Variants in ADSS1 observed in about 807,000 individuals in gnomAD.
ADSS1 encodes adenylosuccinate synthetase isozyme 1.
Under a neutral mutation model 59.1 loss-of-function variants are expected in ADSS1, and 57 were observed. The observed-to-expected ratio is 0.97, with a 90% CI of 0.78 to 1.20. The LOEUF (loss-of-function observed/expected upper bound fraction) is 1.20, where lower values mean the gene tolerates loss of function less well. Ranked by LOEUF, ADSS1 falls within the 50% of genes most tolerant of loss-of-function variation. ADSS1 has a pLI of 0.00. For synonymous variants in ADSS1, 247 were observed against 249.4 expected (o/e 0.99, Z 0.09); for missense variants, 603 against 610.3 (o/e 0.99, Z 0.13).
chr14:104,735,938 C>G (rs1444033442), intron 2 of ADSS1, among the ~76,000 whole-genome samples: 1 of 152,252 alleles, frequency 6.6e-6, no homozygotes, highest in Non-Finnish European at 1.5e-5. Context: ...TTCCAGACTT[C>G]AGCAAGGCCA....
intron 1 of ADSS1, among the ~76,000 whole-genome samples, chr14:104,731,799 G>A (rs1255013936): frequency 6.6e-6 from 1 of 152,204 alleles, no homozygotes; most frequent in African/African-American, 2.4e-5. Context: ...GCTGCCCTGG[G>A]GGCTCGGCAC....
chr14:104,744,176 T>C (rs1251613874), intron 10 of ADSS1, among the ~76,000 whole-genome samples: 1 of 151,380 alleles, frequency 6.6e-6, no homozygotes, highest in East Asian at 1.9e-4. Context: ...ACGGCTGTGC[T>C]GTGGGGAAAG....
chr14:104,726,757 G>T (rs57367215), intron 1 of ADSS1, among the ~76,000 whole-genome samples: 1 of 152,218 alleles, frequency 6.6e-6, no homozygotes, highest in Admixed American at 6.5e-5. Context: ...AGCGAGGGCC[G>T]AGTGGTCCAG....
chr14:104,739,951 G>A (rs769295625), intron 5 of ADSS1, 135 bp downstream of exon 5: 26 of 944,960 alleles, frequency 2.8e-5, no homozygotes, highest in African/African-American at 8.2e-5. Flanking sequence ...GAATGGCACC[G>A]TCAAAATTCC....
At chr14:104,744,392 C>G (rs527670666) in intron 10 of ADSS1, 1 of 170,658 alleles carries the variant, frequency 5.9e-6, no homozygotes, top group Non-Finnish European at 1.3e-5. Flanking sequence ...CAGTCCCTAA[C>G]TTTTTTGGCA....
rs1228313651 is a variant in ADSS1 at position 104,724,403 on chromosome 14, G to A, written c.133G>A (p.Gly45Ser). Residue 45 changes from glycine to serine, a missense_variant, in exon 1 of 13, where the codon GGC becomes AGC. Physicochemically the swap from Gly to Ser is moderately conservative, Grantham distance 56. Coordinates refer to ENST00000330877, the MANE Select transcript of ADSS1 (RefSeq NM_152328.5). ...GCTGGGCGCGCAGTGGGGGGACGAG[G>A]GCAAAGGCAAGGTGGTGGACCTGCT... ...VVLGAQWGDE[G>S]KGKVVDLLAT... The A allele has an allele frequency of 3.2e-6, 4 of 1,263,970 alleles. No homozygotes were observed. Among genetic ancestry groups the A allele is most frequent in the Non-Finnish European group, 4.0e-6 (4 of 999,270 alleles). 78.3% of individuals were successfully genotyped at this position (1,263,970 alleles called of 1,614,324 possible).
chr14:104,730,982 T>G (rs1595196767), intron 1 of ADSS1, among the ~76,000 whole-genome samples: 2 of 88,686 alleles, frequency 2.3e-5, no homozygotes, highest in African/African-American at 3.9e-5. Context: ...GGGCTCAGTG[T>G]CCGTGGGGGC....
At chr14:104,726,389 G>A (rs1262178746) in intron 1 of ADSS1, among the ~76,000 whole-genome samples, 1 of 152,238 alleles carries the variant, frequency 6.6e-6, no homozygotes, top group Non-Finnish European at 1.5e-5. Context: ...GATCTCAGCG[G>A]GGCGCCGCTC....
In ADSS1 at chr14:104,743,078, C is replaced by G. The variant is rs777544568; in HGVS notation, c.960C>G (p.Gly320=). The part of the protein sequence containing the change: ...FPTEQINEIG[G]LLQTRGHEWG... ...CTGTTCTCATGTAGGAGATTGGAGG[C>G]CTGCTGCAGACCCGCGGCCACGAGT... The change falls in exon 10 of 13, where the codon GGC becomes GGG. Residue 320 remains glycine, a synonymous_variant. Transcript: ENST00000330877. The G allele has an allele frequency of 1.9e-6, 3 of 1,613,040 alleles. No homozygotes were observed. Among genetic ancestry groups the G allele is most frequent in the Non-Finnish European group, 2.5e-6 (3 of 1,179,988 alleles).
intron 2 of ADSS1, among the ~76,000 whole-genome samples, chr14:104,735,376 G>A (rs947274564): frequency 1.3e-5 from 2 of 151,250 alleles, no homozygotes; most frequent in South Asian, 4.2e-4. Flanking sequence ...CCGCGCAGGA[G>A]CGGGAGTGCC....
intron 10 of ADSS1, among the ~76,000 whole-genome samples, chr14:104,743,948 A>T (rs1595213898): frequency 6.6e-6 from 1 of 152,268 alleles, no homozygotes; most frequent in Admixed American, 6.5e-5. Flanking sequence ...TGCTCAGCAG[A>T]CCCATCCATA....
At chr14:104,736,560 G>A (rs1891130527) in intron 2 of ADSS1, among the ~76,000 whole-genome samples, 1 of 152,172 alleles carries the variant, frequency 6.6e-6, no homozygotes, top group Admixed American at 6.5e-5. Context: ...CTCTCGTCTG[G>A]ACTGAAGTCC....
rs745754518 is a variant in ADSS1 at position 104,740,401 on chromosome 14, TCCAC to T, written c.477-195_477-192del. 6.6e-6 allele frequency among the ~76,000 whole-genome samples: 1 copy of T among 151,260 alleles called. No homozygotes were observed. The highest frequency in any genetic ancestry group is 1.5e-5 in the Non-Finnish European group (1 of 67,812). The stretch of plus-strand genomic sequence containing the variant: ...CATGCACACACTCCACATGCACACA[TCCAC>T]CCACAGGCACACACCATACCAGTAC... On this transcript the variant is annotated intron_variant, in intron 5 of 12. Coordinates refer to ENST00000330877, the MANE Select transcript of ADSS1 (RefSeq NM_152328.5). This position sits in a 1 kb window ranked among gnomAD's most constrained non-coding sequence, Gnocchi z 4.8.
In ADSS1 at chr14:104,741,186, C is replaced by T; in HGVS notation, c.736C>T (p.Pro246Ser). 3 of 1,612,152 alleles carry T rather than the reference C, an allele frequency of 1.9e-6. No individual in the cohort carries two copies. In the South Asian group the frequency reaches 3.3e-5, roughly 18 times the overall value. Residue 246 changes from proline (P) to serine (S), a missense_variant, in exon 8 of 13, where the codon CCC (proline) becomes TCC (serine). Physicochemically the swap from Pro to Ser is moderately conservative, Grantham distance 74 (BLOSUM62 -1). Transcript: ENST00000330877. ...CTTTATGTATGAGGCACTCCACGGC[C>T]CCCCCAAGAAGATCCTGGTGGAGGG... The part of the protein sequence containing the change: ...VYFMYEALHG[P>S]PKKILVEGAN...
In ADSS1 at chr14:104,740,612, C is replaced by A. The variant is rs886708006; in HGVS notation, c.488C>A (p.Thr163Asn). The change falls in exon 6 of 13, where the codon ACC becomes AAC. Residue 163 changes from threonine (T) to asparagine (N), a missense_variant. Coordinates refer to ENST00000330877, the MANE Select transcript of ADSS1 (RefSeq NM_152328.5). The surrounding 1 kb of genome is among the most constrained non-coding windows in gnomAD (Gnocchi z 4.8). ...QAQEGKNIGTTKKGIGPTYSS... is the reference protein window; with the variant it reads ...QAQEGKNIGTNKKGIGPTYSS... ...TCCCCATCTTTCAGTATAGGCACCA[C>A]CAAGAAGGGAATCGGACCAACCTAC... The A allele has an allele frequency of 1.2e-6, 2 of 1,613,866 alleles. No homozygotes were observed. The highest frequency in any genetic ancestry group is 8.5e-7 in the Non-Finnish European group (1 of 1,180,008).
chr14:104,727,354 C>G (rs1448866268), intron 1 of ADSS1, among the ~76,000 whole-genome samples: 1 of 152,052 alleles, frequency 6.6e-6, no homozygotes, highest in Non-Finnish European at 1.5e-5. Flanking sequence ...GCTGTCTTTC[C>G]TCCATTCCAG....
chr14:104,729,502 G>A (rs1356162239), intron 1 of ADSS1, among the ~76,000 whole-genome samples: 2 of 141,860 alleles, frequency 1.4e-5, no homozygotes, highest in African/African-American at 2.6e-5. Context: ...AGGAGGTAGC[G>A]TCGGCGTGGG....
At chr14:104,730,706 C>T (rs1187104135) in intron 1 of ADSS1, among the ~76,000 whole-genome samples, 3 of 151,932 alleles carry the variant, frequency 2.0e-5, no homozygotes, top group Non-Finnish European at 2.9e-5. Flanking sequence ...CGCACAGCCT[C>T]CTGGAGGGGA....
chr14:104,739,774 A>T lies in ADSS1; in HGVS notation c.434A>T (p.Asp145Val). The T allele has an allele frequency of 6.2e-7, 1 of 1,613,884 alleles. No individual in the cohort carries two copies. Among genetic ancestry groups the T allele is most frequent in the African/African-American group, 1.3e-5 (1 of 75,008 alleles). Reference sequence around the variant, plus strand: ...GTGTTTGATTTTCACCAGGCTGTCGACGGACTTCAGGAAGTGCAGCGCCAG... The same window carrying T: ...GTGTTTGATTTTCACCAGGCTGTCGTCGGACTTCAGGAAGTGCAGCGCCAG... ...HLVFDFHQAV[D>V]GLQEVQRQAQ... Residue 145 changes from aspartate to valine, a missense_variant, in exon 5 of 13, where the codon GAC (aspartate) becomes GTC (valine). Asp to Val is a radical substitution (Grantham distance 152). Transcript: ENST00000330877.
Sources: gnomAD v4.1 joint callset for allele counts (sites outside exome capture counted in the v4.1 genomes callset) on GRCh38, gnomAD v4.1.1 for gene constraint, Gnocchi (gnomAD v3.1) non-coding constraint, MANE v1.5 for transcripts, NCBI Gene and HGNC (gene_info 2026-07-23, HGNC 2026-07-21) for gene names.